Variants in VRK2 observed in about 807,000 individuals in gnomAD.
VRK2 encodes the protein VRK serine/threonine kinase 2.
In VRK2, 60 loss-of-function variants were observed where a neutral mutation model predicts 57.6. The ratio of observed to expected loss-of-function variants is 1.04; its 90% CI spans 0.85 to 1.29. The LOEUF (loss-of-function observed/expected upper bound fraction) is 1.29, where lower values mean the gene tolerates loss of function less well. Among genes scored for constraint, VRK2 ranks in the 50% most tolerant of loss-of-function variants. The pLI, the probability that VRK2 is intolerant of heterozygous loss-of-function variation, is 0.00. For synonymous variants in VRK2, 231 were observed against 199.2 expected (o/e 1.16, Z -1.35); for missense variants, 705 against 588.1 (o/e 1.20, Z -2.06).
At chr2:58,002,233 C>T (rs958239105) in intron 1 of VRK2, among the ~76,000 whole-genome samples, 8 of 152,290 alleles carry the variant, frequency 5.3e-5, no homozygotes, top group Admixed American at 2.0e-4. Flanking sequence ...GTAATCCCAG[C>T]ACTTTGGGAG....
chr2:57,940,880 G>GC (rs1671072927), intron 1 of VRK2, among the ~76,000 whole-genome samples: 1 of 150,622 alleles, frequency 6.6e-6, no homozygotes, highest in Non-Finnish European at 1.5e-5. Flanking sequence ...TCTGCATCCT[G>GC]CTCTCCAAAA....
rs1427381130 is a variant in VRK2, at chr2:58,016,430, TC to T, written c.-438-9233del. 2.0e-5 allele frequency among the ~76,000 whole-genome samples: 3 copies of T among 152,214 alleles called. No individual in the cohort carries two copies. In the East Asian group the frequency reaches 5.8e-4, roughly 29 times the overall value. ...GGCGCAATCTTGGCTCACTGCAACCTCCGCCTCCCAGGTCTCAGCTTCAAGG... is the reference window on the plus strand; with the variant it reads ...GGCGCAATCTTGGCTCACTGCAACCTCGCCTCCCAGGTCTCAGCTTCAAGG... On this transcript the variant is annotated intron_variant, in intron 1 of 15. Transcript: ENST00000417641.
chr2:58,140,341 T>C (rs760914820), intron 11 of VRK2, among the ~76,000 whole-genome samples: 3 of 152,020 alleles, frequency 2.0e-5, no homozygotes, highest in Non-Finnish European at 4.4e-5. Flanking sequence ...ACACCTCTTC[T>C]TTTAGTCTGC....
In VRK2 at chr2:57,925,773, A is replaced by G. The variant is rs573336625; in HGVS notation, c.-439+17934A>G. 5.4e-5 allele frequency among the ~76,000 whole-genome samples: 8 copies of G among 148,638 alleles called. No individual in the cohort carries two copies. In the South Asian group the frequency reaches 1.5e-3, roughly 28 times the overall value. ...ATTATTTCTTTTCTTCTAATTTTCAATTTGGTTTGCTGTCTTGATTTTCTA... is the reference window on the plus strand; with the variant it reads ...ATTATTTCTTTTCTTCTAATTTTCAGTTTGGTTTGCTGTCTTGATTTTCTA... On this transcript the variant is annotated intron_variant, in intron 1 of 15. Coordinates refer to the VRK2 transcript ENST00000417641.
intron 1 of VRK2, among the ~76,000 whole-genome samples, chr2:57,973,370 A>G (rs867076458): frequency 1.3e-4 from 20 of 151,928 alleles, no homozygotes; most frequent in African/African-American, 4.8e-4. Flanking sequence ...CAACTAAACA[A>G]GAGTGTTGAC....
At chr2:58,115,184 T>C (rs575158850) in intron 7 of VRK2, among the ~76,000 whole-genome samples, 70 of 151,924 alleles carry the variant, frequency 4.6e-4, no homozygotes, top group Non-Finnish European at 7.9e-4. Flanking sequence ...ATAAACCAAG[T>C]GTGTTCAGGG....
chr2:57,939,114 GTCC>G (rs1274810444), intron 1 of VRK2, among the ~76,000 whole-genome samples: 5 of 152,134 alleles, frequency 3.3e-5, no homozygotes, highest in African/African-American at 4.8e-5. Context: ...AGCAATCTAG[GTCC>G]AAACAGAATG....
chr2:58,117,564 G>A (rs1007977609), intron 7 of VRK2, among the ~76,000 whole-genome samples: 1 of 152,064 alleles, frequency 6.6e-6, no homozygotes, highest in Non-Finnish European at 1.5e-5. Flanking sequence ...AGGAAGATTT[G>A]GGATGAGTTG....
chr2:58,018,645 A>T (rs1673657416), intron 1 of VRK2, among the ~76,000 whole-genome samples: 1 of 152,192 alleles, frequency 6.6e-6, no homozygotes, highest in African/African-American at 2.4e-5. Flanking sequence ...TCTGGATAAA[A>T]ATAGTGACCA....
At chr2:58,081,916 A>T (rs569018920) in intron 2 of VRK2, among the ~76,000 whole-genome samples, 2 of 143,830 alleles carry the variant, frequency 1.4e-5, no homozygotes, top group African/African-American at 5.1e-5. Context: ...ATTTAATTTC[A>T]CTAGCTATAA....
intron 7 of VRK2, among the ~76,000 whole-genome samples, chr2:58,107,668 C>A (rs1674949323): frequency 6.6e-6 from 1 of 152,092 alleles, no homozygotes; most frequent in African/African-American, 2.4e-5. Context: ...CATAAGAGAC[C>A]TCATTTTGAG....
At chr2:57,948,759 T>C (rs1671336534) in intron 1 of VRK2, among the ~76,000 whole-genome samples, 1 of 151,972 alleles carries the variant, frequency 6.6e-6, no homozygotes, top group Non-Finnish European at 1.5e-5. Context: ...AAAGCATAGT[T>C]GAGCACCCCA....
At chr2:57,943,295 G>C (rs984432947) in intron 1 of VRK2, among the ~76,000 whole-genome samples, 4 of 152,136 alleles carry the variant, frequency 2.6e-5, no homozygotes, top group African/African-American at 9.7e-5. Context: ...GTATCCAATT[G>C]AACTTCATTA....
chr2:58,124,660 C>T (rs1037530356), intron 8 of VRK2, among the ~76,000 whole-genome samples: 1 of 152,094 alleles, frequency 6.6e-6, no homozygotes, highest in South Asian at 2.1e-4. Context: ...GACCATTGAC[C>T]ATGTAATGTA....
chr2:57,955,414 T>C (rs750750484), intron 1 of VRK2, among the ~76,000 whole-genome samples: 12 of 152,034 alleles, frequency 7.9e-5, no homozygotes, highest in South Asian at 2.1e-4. Flanking sequence ...CTGATAATGA[T>C]AGCAAAATAT....
intron 1 of VRK2, among the ~76,000 whole-genome samples, chr2:57,971,700 C>T (rs1572921070): frequency 2.0e-5 from 3 of 151,426 alleles, no homozygotes; most frequent in Admixed American, 1.3e-4. Context: ...TGCCTATATC[C>T]ATTTATTTCA....
intron 1 of VRK2, chr2:58,047,346 C>T (rs1230099027): frequency 4.7e-6 from 4 of 858,948 alleles, no homozygotes; most frequent in Non-Finnish European, 5.6e-6. Flanking sequence ...CTCGGAAACT[C>T]GTGTTGAGGA....
intron 1 of VRK2, among the ~76,000 whole-genome samples, chr2:58,018,557 C>A (rs1031714601): frequency 5.9e-5 from 9 of 152,112 alleles, no homozygotes; most frequent in Non-Finnish European, 1.0e-4. Context: ...TTGAATTATA[C>A]CTTCTTTAAG....
At chr2:58,139,075 A>C (rs902593971) in intron 10 of VRK2, among the ~76,000 whole-genome samples, 3 of 152,138 alleles carry the variant, frequency 2.0e-5, no homozygotes, top group African/African-American at 7.2e-5. Flanking sequence ...CACTGCTCTA[A>C]AATCAAAAAC....
Sources: gnomAD v4.1 joint callset for allele counts (sites outside exome capture counted in the v4.1 genomes callset) on GRCh38, gnomAD v4.1.1 for gene constraint, MANE v1.5 for transcripts, NCBI Gene and HGNC (gene_info 2026-07-23, HGNC 2026-07-21) for gene names.